Variants in ANKRD17 observed in about 807,000 individuals in gnomAD.
ANKRD17 encodes ankyrin repeat domain 17, also known as ankyrin repeat domain-containing protein 17.
Under a neutral mutation model 229.7 loss-of-function variants are expected in ANKRD17, and 19 were observed. The ratio of observed to expected loss-of-function variants is 0.08; its 90% CI spans 0.06 to 0.12. The LOEUF is 0.12. Ranked by LOEUF, ANKRD17 falls within the 10% of genes least tolerant of loss-of-function variation. The pLI is 1.00. For synonymous variants in ANKRD17, 1,112 were observed against 1,146.1 expected (o/e 0.97, Z 0.60); for missense variants, 2,176 against 3,176.8 (o/e 0.68, Z 7.57).
At position 73,144,412 on chromosome 4, in the gene ANKRD17, ACAT is replaced by A; in HGVS notation, c.1957+330_1957+332del. Among the ~76,000 whole-genome samples, 5 of 152,336 alleles carry A rather than the reference ACAT, an allele frequency of 3.3e-5. No individual in the cohort carries two copies. The South Asian group carries it at 1.0e-3, about 32-fold the overall frequency. On this transcript the variant is annotated intron_variant, in intron 11 of 33. Transcript: ENST00000358602. The stretch of plus-strand genomic sequence containing the variant: ...GCCACAAACTTTTTTAGTGGCAGAA[ACAT>A]CATAAAATTCCAGGTTTCAAGAAAG...
At chr4:73,136,666 T>C (rs1359216716) in intron 15 of ANKRD17, among the ~76,000 whole-genome samples, 1 of 152,056 alleles carries the variant, frequency 6.6e-6, no homozygotes, top group Non-Finnish European at 1.5e-5. Flanking sequence ...TACTCCATAT[T>C]GATAGTTTTG....
At chr4:73,164,075 T>C (rs1732903313) in intron 2 of ANKRD17, among the ~76,000 whole-genome samples, 1 of 152,226 alleles carries the variant, frequency 6.6e-6, no homozygotes, top group Non-Finnish European at 1.5e-5. Flanking sequence ...TCATACTATA[T>C]TCTGAATCTA....
At chr4:73,123,175 C>G (rs551493960) in intron 18 of ANKRD17, among the ~76,000 whole-genome samples, 1 of 152,002 alleles carries the variant, frequency 6.6e-6, no homozygotes, top group East Asian at 1.9e-4. Context: ...AGAAAATCAA[C>G]TAATATCTTC....
intron 1 of ANKRD17, among the ~76,000 whole-genome samples, chr4:73,227,144 C>T (rs941114586): frequency 1.4e-4 from 21 of 152,068 alleles, no homozygotes; most frequent in African/African-American, 4.8e-4. Flanking sequence ...AAACAAGCCA[C>T]CTTCCAGTTC....
intron 1 of ANKRD17, among the ~76,000 whole-genome samples, chr4:73,181,571 C>T (rs1735547950): frequency 6.6e-6 from 1 of 152,044 alleles, no homozygotes; most frequent in African/African-American, 2.4e-5. Flanking sequence ...AAATTATGGG[C>T]ATACACCTCT....
chr4:73,188,452 G>T (rs932020829), intron 1 of ANKRD17, among the ~76,000 whole-genome samples: 13 of 152,002 alleles, frequency 8.6e-5, no homozygotes, highest in Admixed American at 3.3e-4. Context: ...GGGCATGGTG[G>T]TATGCGCCTG....
intron 9 of ANKRD17, 50 bp downstream of exon 9, chr4:73,147,191 T>G: frequency 6.8e-7 from 1 of 1,463,242 alleles, no homozygotes; most frequent in Non-Finnish European, 9.2e-7. Context: ...ATGACATTTT[T>G]ACTTAAACAA....
chr4:73,157,721 C>T (rs1731848806), intron 3 of ANKRD17, among the ~76,000 whole-genome samples: 1 of 152,172 alleles, frequency 6.6e-6, no homozygotes, highest in East Asian at 1.9e-4. Flanking sequence ...TAACCAGTCT[C>T]CTTGCCTTCA....
At chr4:73,192,073 G>C (rs1405449440) in intron 1 of ANKRD17, among the ~76,000 whole-genome samples, 2 of 151,998 alleles carry the variant, frequency 1.3e-5, no homozygotes, top group Non-Finnish European at 2.9e-5. Context: ...TATCTGTGCT[G>C]CTCATTTTGT....
intron 1 of ANKRD17, among the ~76,000 whole-genome samples, chr4:73,197,705 A>G (rs1172061318): frequency 6.6e-6 from 1 of 152,042 alleles, no homozygotes; most frequent in Non-Finnish European, 1.5e-5. Context: ...GCATACGAGC[A>G]TGCTCCTATA....
In ANKRD17 at chr4:73,076,016, A is replaced by G; in HGVS notation, c.*215T>C. 2.4e-6 allele frequency: 1 copy of G among 423,100 alleles called. No homozygotes were observed. Among genetic ancestry groups the G allele is most frequent in the Non-Finnish European group, 4.3e-6 (1 of 233,378 alleles). 26.2% of individuals were successfully genotyped at this position (423,100 alleles called of 1,614,324 possible). A position where few individuals can be genotyped will look rare whatever the true frequency, so the allele number is the denominator to read the frequency against. On this transcript the variant is annotated 3_prime_UTR_variant, in exon 34 of 34. Transcript: ENST00000358602. ...GAAAGAAAAAAAGAAAAATGATAAG[A>G]AAAATGCTAACTAAGGTAAAACGGA...
At chr4:73,113,002 G>A in intron 24 of ANKRD17, 1 of 778,868 alleles carries the variant, frequency 1.3e-6, no homozygotes, top group African/African-American at 1.9e-5. Context: ...TGGCCAGGCT[G>A]GTCTCAAGCT....
chr4:73,083,830 A>G (rs913431678), intron 30 of ANKRD17, among the ~76,000 whole-genome samples: 108 of 151,996 alleles, frequency 7.1e-4, no homozygotes, highest in African/African-American at 2.6e-3. Flanking sequence ...GTACTCTGAC[A>G]TGTATCTCTA....
intron 2 of ANKRD17, among the ~76,000 whole-genome samples, chr4:73,167,782 T>C (rs763572896): frequency 2.0e-5 from 3 of 152,230 alleles, no homozygotes; most frequent in African/African-American, 4.8e-5. Flanking sequence ...CAAGTCTATT[T>C]GGTTAAGATC....
At chr4:73,166,378 A>G (rs569221621) in intron 2 of ANKRD17, among the ~76,000 whole-genome samples, 1 of 152,236 alleles carries the variant, frequency 6.6e-6, no homozygotes, top group Non-Finnish European at 1.5e-5. Flanking sequence ...CAACACCAGA[A>G]GTTTAGTAAC....
chr4:73,089,718 T>A (rs888772743), intron 29 of ANKRD17, among the ~76,000 whole-genome samples: 11 of 152,226 alleles, frequency 7.2e-5, no homozygotes, highest in African/African-American at 1.9e-4. Flanking sequence ...AAGTTTTTTT[T>A]AAAAAAGCAA....
intron 5 of ANKRD17, among the ~76,000 whole-genome samples, 169 bp from the exon 6 acceptor site, chr4:73,154,282 G>A (rs1010513734): frequency 6.6e-6 from 1 of 151,690 alleles, no homozygotes; most frequent in South Asian, 2.1e-4. Flanking sequence ...CTTTCCTACT[G>A]CATTTTATCT....
chr4:73,146,456 T>C (rs973986109), intron 10 of ANKRD17, among the ~76,000 whole-genome samples: 3 of 152,118 alleles, frequency 2.0e-5, no homozygotes, highest in African/African-American at 7.2e-5. Context: ...CCTTTTTATA[T>C]CAAATCAGAA....
chr4:73,191,907 G>A (rs1300096311), intron 1 of ANKRD17, among the ~76,000 whole-genome samples: 2 of 151,910 alleles, frequency 1.3e-5, no homozygotes, highest in Non-Finnish European at 2.9e-5. Flanking sequence ...GCACATGTAA[G>A]CAACCAACTA....
Sources: allele counts gnomAD v4.1 joint callset (sites outside exome capture counted in the v4.1 genomes callset), GRCh38; gene constraint gnomAD v4.1.1; transcripts MANE v1.5; gene names NCBI Gene and HGNC (gene_info 2026-07-23, HGNC 2026-07-21).